STAMBP: variants seen among roughly 807,000 people sequenced by gnomAD.
The protein encoded by STAMBP is STAM binding protein.
STAMBP carries 31 observed loss-of-function variants against 50.7 expected under a neutral mutation model. The ratio of observed to expected loss-of-function variants is 0.61; its 90% CI spans 0.46 to 0.83. The LOEUF is 0.83. STAMBP is among the 40% of genes least tolerant of loss of function. The pLI is 0.00. For synonymous variants in STAMBP, 211 were observed against 192.4 expected, an observed-to-expected ratio of 1.10 and a Z score of -0.80; for missense variants, 472 against 518.9, an observed-to-expected ratio of 0.91 and a Z score of 0.88.
Position 73,843,406 on chromosome 2 carries a change from G to GTATATATATATATATATATA in STAMBP, c.204-1394_204-1393insATATATATATATATATATAT, listed in dbSNP as rs773798563. On this transcript the variant is annotated intron_variant, in intron 2 of 9. Coordinates refer to ENST00000394070, the MANE Select transcript of STAMBP (RefSeq NM_213622.4). ...TGTTTTGTTATATATGTTTGTGTAT[G>GTATATATATATATATATATA]TATATATATATATGTATATATATAT... Among the ~76,000 whole-genome samples, 281 of 129,748 alleles carry GTATATATATATATATATATA rather than the reference G, an allele frequency of 2.2e-3. 6 individuals are homozygous for GTATATATATATATATATATA. Among genetic ancestry groups the GTATATATATATATATATATA allele is most frequent in the African/African-American group, 8.7e-3 (259 of 29,812 alleles). 85.1% of individuals were successfully genotyped at this position (129,748 alleles called of 152,430 possible). A position where few individuals can be genotyped will look rare whatever the true frequency, so the allele number is the denominator to read the frequency against.
intron 4 of STAMBP, among the ~76,000 whole-genome samples, chr2:73,845,659 T>G (rs2104469436): frequency 6.7e-6 from 1 of 149,056 alleles, no homozygotes; most frequent in Non-Finnish European, 1.5e-5. Flanking sequence ...TTTGAGACAG[T>G]CTCACTCTGT....
intron 7 of STAMBP, among the ~76,000 whole-genome samples, chr2:73,858,917 A>G (rs1558592889): frequency 6.7e-6 from 1 of 149,740 alleles, no homozygotes; most frequent in East Asian, 1.9e-4. Context: ...ATATGAGCCC[A>G]GACCCCCCAA....
chr2:73,845,064 T>A, intron 3 of STAMBP, 103 bp from the exon 4 acceptor site: 1 of 1,558,350 alleles, frequency 6.4e-7, no homozygotes, highest in Non-Finnish European at 8.7e-7. Flanking sequence ...GTATTTTAAA[T>A]CATTTTGGGA....
rs1196071079 is a variant in STAMBP at position 73,829,328 on chromosome 2, C to T, written c.-195C>T. 1.3e-5 allele frequency: 2 copies of T among 152,558 alleles called. No individual in the cohort carries two copies. The highest frequency in any genetic ancestry group is 2.4e-5 in the African/African-American group (1 of 41,584). 9.5% of individuals were successfully genotyped at this position (152,558 alleles called of 1,614,324 possible). A position where few individuals can be genotyped will look rare whatever the true frequency, so the allele number is the denominator to read the frequency against. On this transcript the variant is annotated 5_prime_UTR_variant, in exon 1 of 10. Coordinates refer to ENST00000394070, the MANE Select transcript of STAMBP (RefSeq NM_213622.4). ...CTCCCTACTGTATACGCCCCCTCCGCTCATTCCTGCTACTTCCTTTCTCCT... is the reference window on the plus strand; with the variant it reads ...CTCCCTACTGTATACGCCCCCTCCGTTCATTCCTGCTACTTCCTTTCTCCT...
Position 73,829,096 on chromosome 2 carries a change from C to T in STAMBP, c.-427C>T, listed in dbSNP as rs1558549299. The T allele has an allele frequency of 6.6e-6, 1 of 152,276 alleles. No homozygotes were observed. Among genetic ancestry groups the T allele is most frequent in the Non-Finnish European group, 1.5e-5 (1 of 68,102 alleles). The allele number at this position is 152,276 out of a possible 1,614,324, so 9.4% of individuals were successfully genotyped here. The stretch of plus-strand genomic sequence containing the variant: ...GTGAGTGTGGGGCCTGCAGCCTACT[C>T]TCCCCGAGTCCCCTGCCCGGCCTGC... On this transcript the variant is annotated 5_prime_UTR_variant, in exon 1 of 10. Transcript: ENST00000394070.
In STAMBP at chr2:73,837,685, T is replaced by C. The variant is rs115719678; in HGVS notation, c.203+6626T>C. On this transcript the variant is annotated intron_variant, in intron 2 of 9. Coordinates refer to ENST00000394070, the MANE Select transcript of STAMBP (RefSeq NM_213622.4). ...AAACTGTTTTTCCATAAAATTGGGGTATTCTTGGTAATCCTTTGTACTTTA... is the reference window on the plus strand; with the variant it reads ...AAACTGTTTTTCCATAAAATTGGGGCATTCTTGGTAATCCTTTGTACTTTA... Among the ~76,000 whole-genome samples, 765 of 151,520 alleles carry C rather than the reference T, an allele frequency of 5.0e-3. 6 individuals are homozygous for C. Among genetic ancestry groups the C allele is most frequent in the African/African-American group, 0.018 (726 of 41,248 alleles).
intron 2 of STAMBP, among the ~76,000 whole-genome samples, chr2:73,839,654 C>T (rs143867100): frequency 3.8e-4 from 58 of 152,224 alleles, no homozygotes; most frequent in African/African-American, 1.3e-3. Context: ...CACTTATTCA[C>T]GATTTAAAAA....
At position 73,850,538 on chromosome 2, in the gene STAMBP, A is replaced by G; in HGVS notation, c.1005+25A>G. ...TGTAAGCAATTCTGAGCTGTCCGAG[A>G]GTTAGTCTCTGCCTCTCCCATGGTG... On this transcript the variant is annotated intron_variant, in intron 7 of 9. Coordinates refer to ENST00000394070, the MANE Select transcript of STAMBP (RefSeq NM_213622.4). This position sits in a 1 kb window ranked among gnomAD's most constrained non-coding sequence, Gnocchi z 4.3. The G allele has an allele frequency of 6.2e-7, 1 of 1,603,766 alleles. No individual in the cohort carries two copies.
intron 2 of STAMBP, among the ~76,000 whole-genome samples, chr2:73,837,909 A>G (rs1674922498): frequency 6.6e-6 from 1 of 152,182 alleles, no homozygotes; most frequent in Non-Finnish European, 1.5e-5. Flanking sequence ...GGGAGGTTCA[A>G]GAGGCAGGAG....
chr2:73,851,922 G>A (rs180703717), intron 7 of STAMBP, among the ~76,000 whole-genome samples: 15 of 152,296 alleles, frequency 9.8e-5, no homozygotes, highest in Non-Finnish European at 1.8e-4. Flanking sequence ...TTACAGGCAT[G>A]AGCCACCACG....
At chr2:73,831,165 C>G in intron 2 of STAMBP, 106 bp downstream of exon 2, 2 of 921,870 alleles carry the variant, frequency 2.2e-6, no homozygotes, top group South Asian at 1.5e-5. Flanking sequence ...CAACATTAAT[C>G]ATTTTTGCTG....
intron 10 of STAMBP, among the ~76,000 whole-genome samples, chr2:73,872,273 G>C (rs886981551): frequency 6.6e-6 from 1 of 152,290 alleles, no homozygotes; most frequent in East Asian, 1.9e-4. Flanking sequence ...TTCCAAAGAA[G>C]AATGGTGGTG....
chr2:73,856,743 G>A (rs917261908), intron 7 of STAMBP, among the ~76,000 whole-genome samples: 2 of 152,194 alleles, frequency 1.3e-5, no homozygotes, highest in Admixed American at 6.5e-5. Flanking sequence ...GAGAGCTAGA[G>A]CAGGAAATAT....
At chr2:73,867,862 C>T (rs1021824775), downstream of STAMBP, among the ~76,000 whole-genome samples, 6 of 151,894 alleles carry the variant, frequency 4.0e-5, no homozygotes, top group Non-Finnish European at 5.9e-5. Flanking sequence ...CGGTGGCTTA[C>T]GCCTGTAATC....
intron 2 of STAMBP, among the ~76,000 whole-genome samples, chr2:73,832,569 G>A (rs1674099058): frequency 6.6e-6 from 1 of 151,864 alleles, no homozygotes; most frequent in South Asian, 2.1e-4. Flanking sequence ...TCTTCCAAGA[G>A]ATGATATACA....
At chr2:73,851,565 G>A (rs994337881) in intron 7 of STAMBP, among the ~76,000 whole-genome samples, 3 of 152,046 alleles carry the variant, frequency 2.0e-5, no homozygotes, top group African/African-American at 7.2e-5. Flanking sequence ...GAGAAGAGGC[G>A]GACTCTGTCC....
At position 73,866,175 on chromosome 2, in the gene STAMBP, T is replaced by G. The variant is rs1678871411; in HGVS notation, c.*3916T>G. On this transcript the variant is annotated 3_prime_UTR_variant, in exon 10 of 10. Transcript: ENST00000394070. ...CCTGTTTGAGATTAGAAGCTGGGCC[T>G]TAACTTACAGGTGTGTCCGGCATCA... The G allele has an allele frequency of 6.6e-6, 1 of 152,226 alleles. No individual in the cohort carries two copies. The highest frequency in any genetic ancestry group is 6.5e-5 in the Admixed American group (1 of 15,276). 9.4% of individuals were successfully genotyped at this position (152,226 alleles called of 1,614,324 possible).
At chr2:73,871,563 AAT>A (rs200092366), downstream of STAMBP, among the ~76,000 whole-genome samples, 2 of 150,236 alleles carry the variant, frequency 1.3e-5, no homozygotes. Flanking sequence ...AAAAAAAAAA[AAT>A]TCTTTTAATT....
downstream of STAMBP, among the ~76,000 whole-genome samples, chr2:73,868,056 G>A (rs1042750053): frequency 1.3e-5 from 2 of 151,764 alleles, no homozygotes; most frequent in East Asian, 1.9e-4. Context: ...CTCAGGAGGC[G>A]GAGGTTGTGG....
Sources: gnomAD v4.1 joint callset for allele counts (sites outside exome capture counted in the v4.1 genomes callset) on GRCh38, gnomAD v4.1.1 for gene constraint, Gnocchi (gnomAD v3.1) non-coding constraint, MANE v1.5 for transcripts, NCBI Gene and HGNC (gene_info 2026-07-23, HGNC 2026-07-21) for gene names.